PRKCZ: variants seen among roughly 807,000 people sequenced by gnomAD.
The protein encoded by PRKCZ is protein kinase C zeta type.
In PRKCZ, 33 loss-of-function variants were observed where a neutral mutation model predicts 79.5. The observed-to-expected ratio is 0.41, with a 90% CI of 0.31 to 0.55. PRKCZ has a LOEUF of 0.55. PRKCZ is among the 20% of genes least tolerant of loss of function. The pLI, the probability that PRKCZ is intolerant of heterozygous loss-of-function variation, is 0.19. For missense variants in PRKCZ, 578 were observed against 813.5 expected (o/e 0.71, Z 3.52); for synonymous variants, 342 against 320.9 (o/e 1.07, Z -0.70).
intron 5 of PRKCZ, among the ~76,000 whole-genome samples, chr1:2,135,930 A>C (rs1676108846): frequency 1.3e-5 from 2 of 152,086 alleles, no homozygotes; most frequent in African/African-American, 4.8e-5. Context: ...TCACAGTGGA[A>C]GGGGAGGTGT....
intron 4 of PRKCZ, among the ~76,000 whole-genome samples, chr1:2,099,149 C>T (rs1197294650): frequency 6.6e-6 from 1 of 152,184 alleles, no homozygotes; most frequent in East Asian, 1.9e-4. Context: ...AGCCACACAG[C>T]TGTGTGGGAC....
Position 2,093,095 on chromosome 1 carries a change from CAA to C in PRKCZ, c.334+33505_334+33506del, listed in dbSNP as rs561397822. ...TGATGGGTGGTTTTCAACAGGAACT[CAA>C]GAGAAAAGTTCATGCTTGTGAGGAC... On this transcript the variant is annotated intron_variant, in intron 4 of 17. Coordinates refer to ENST00000378567, the MANE Select transcript of PRKCZ (RefSeq NM_002744.6). Among the ~76,000 whole-genome samples the C allele has an allele frequency of 2.9e-3, 436 of 152,328 alleles. 3 individuals carry two copies. Among genetic ancestry groups the C allele is most frequent in the African/African-American group, 9.7e-3 (405 of 41,556 alleles).
chr1:2,080,356 G>A (rs970506630), intron 4 of PRKCZ, among the ~76,000 whole-genome samples: 6 of 152,326 alleles, frequency 3.9e-5, no homozygotes, highest in South Asian at 2.1e-4. Flanking sequence ...GCGCGTGGAC[G>A]TGGCAGGTGT....
At chr1:2,105,100 C>T (rs1386908117) in intron 4 of PRKCZ, among the ~76,000 whole-genome samples, 2 of 152,070 alleles carry the variant, frequency 1.3e-5, no homozygotes, top group East Asian at 3.9e-4. Context: ...ACACGTCTGT[C>T]GTGCCATGAA....
chr1:2,110,000 C>T (rs962167027), intron 4 of PRKCZ, among the ~76,000 whole-genome samples: 12 of 152,196 alleles, frequency 7.9e-5, no homozygotes, highest in Admixed American at 7.2e-4. Flanking sequence ...GCGGAGGAGC[C>T]GGCCAGCATG....
At chr1:2,164,142 TG>T (rs909878402) in intron 10 of PRKCZ, among the ~76,000 whole-genome samples, 7 of 152,154 alleles carry the variant, frequency 4.6e-5, no homozygotes, top group South Asian at 4.1e-4. Context: ...GGATTTTTTT[TG>T]GTTGATATTC....
chr1:2,152,695 G>A (rs1680138046), intron 9 of PRKCZ, among the ~76,000 whole-genome samples: 1 of 152,204 alleles, frequency 6.6e-6, no homozygotes. Context: ...TCAGCCCCAT[G>A]GCCTCCAATC....
rs1044297350 is a variant in PRKCZ at position 2,178,748 on chromosome 1, G to T, written c.1575+3435G>T. ...CAGCTTGAGAACAGTCCCTCGGTGG[G>T]TGTCAGCTCCATGTGGGAGTGGGGC... On this transcript the variant is annotated intron_variant, in intron 16 of 17. Transcript: ENST00000378567. This position sits in a 1 kb window ranked among gnomAD's most constrained non-coding sequence, Gnocchi z 4.3. 6.6e-6 allele frequency among the ~76,000 whole-genome samples: 1 copy of T among 152,280 alleles called. No individual in the cohort carries two copies. Among genetic ancestry groups the T allele is most frequent in the Non-Finnish European group, 1.5e-5 (1 of 68,024 alleles).
At position 2,173,816 on chromosome 1, in the gene PRKCZ, A is replaced by C. The variant is rs1684932103; in HGVS notation, c.1286-81A>C. ...TGGCTCACACTCGTGTCAACTGGGCATGAAAACCAACGCCAGCCAGGTTCG... is the reference window on the plus strand; with the variant it reads ...TGGCTCACACTCGTGTCAACTGGGCCTGAAAACCAACGCCAGCCAGGTTCG... On this transcript the variant is annotated intron_variant, in intron 13 of 17. Transcript: ENST00000378567. This position sits in a 1 kb window ranked among gnomAD's most constrained non-coding sequence, Gnocchi z 5.7. 1 of 1,504,256 alleles carries C rather than the reference A, an allele frequency of 6.6e-7. No individual in the cohort carries two copies. Among genetic ancestry groups the C allele is most frequent in the Non-Finnish European group, 8.9e-7 (1 of 1,122,648 alleles). The allele number at this position is 1,504,256 out of a possible 1,614,324, so 93.2% of individuals were successfully genotyped here. A position where few individuals can be genotyped will look rare whatever the true frequency, so the allele number is the denominator to read the frequency against.
rs541181819 is a variant in PRKCZ, at chr1:2,177,103, C to T, written c.1575+1790C>T. 6.6e-6 allele frequency among the ~76,000 whole-genome samples: 1 copy of T among 152,302 alleles called. No homozygotes were observed. The highest frequency in any genetic ancestry group is 1.9e-4 in the East Asian group (1 of 5,190). ...GGGTTAGAGGTGGCGTCCCTTTTCT[C>T]TGGCTCAGGCACCCCTGGCCTAGTG... On this transcript the variant is annotated intron_variant, in intron 16 of 17. Coordinates refer to ENST00000378567, the MANE Select transcript of PRKCZ (RefSeq NM_002744.6). The surrounding 1 kb of genome is among the most constrained non-coding windows in gnomAD (Gnocchi z 6.4).
chr1:2,095,793 T>C (rs538184201), intron 4 of PRKCZ, among the ~76,000 whole-genome samples: 21 of 131,218 alleles, frequency 1.6e-4, no homozygotes, highest in African/African-American at 5.5e-4. Context: ...CTCTGCCCTC[T>C]GCTCCCCTCT....
At position 2,063,366 on chromosome 1, in the gene PRKCZ, T is replaced by G. The variant is rs188315707; in HGVS notation, c.334+3775T>G. ...CTCGCTCTGTCGCTTAGGCTGGAGT[T>G]CAGTGGCACGATCTCGGCTCACTGC... On this transcript the variant is annotated intron_variant, in intron 4 of 17. Transcript: ENST00000378567. Among the ~76,000 whole-genome samples, 26 of 152,346 alleles carry G rather than the reference T, an allele frequency of 1.7e-4. No homozygotes were observed. The East Asian group carries it at 4.6e-3, about 27-fold the overall frequency.
chr1:2,119,793 T>TG (rs112595393), intron 4 of PRKCZ, among the ~76,000 whole-genome samples: 84 of 151,092 alleles, frequency 5.6e-4, no homozygotes, highest in African/African-American at 2.0e-3. Flanking sequence ...TCTTTTCTTT[T>TG]TTTTTTTTTT....
At chr1:2,170,891 C>T (rs964613800) in intron 11 of PRKCZ, among the ~76,000 whole-genome samples, 3 of 152,254 alleles carry the variant, frequency 2.0e-5, no homozygotes, top group Non-Finnish European at 4.4e-5. Flanking sequence ...ATCCGTCCAT[C>T]CCTCGGGGGG....
chr1:2,144,422 T>C (rs975857953), intron 6 of PRKCZ, 81 bp downstream of exon 6: 26 of 1,520,284 alleles, frequency 1.7e-5, no homozygotes, highest in Non-Finnish European at 2.1e-5. Context: ...AAGCAGACCT[T>C]GGTGACCCTG....
At chr1:2,151,484 A>G (rs1417596207) in intron 9 of PRKCZ, among the ~76,000 whole-genome samples, 1 of 152,212 alleles carries the variant, frequency 6.6e-6, no homozygotes, top group Non-Finnish European at 1.5e-5. Context: ...GGTTGAGCTG[A>G]ACTGGACGGG....
intron 4 of PRKCZ, among the ~76,000 whole-genome samples, chr1:2,062,729 C>T (rs542637672): frequency 7.2e-5 from 11 of 152,130 alleles, no homozygotes; most frequent in African/African-American, 2.4e-4. Context: ...CTCAAGTGAC[C>T]TACCCATCTT....
At chr1:2,061,374 C>T (rs1319948797) in intron 4 of PRKCZ, among the ~76,000 whole-genome samples, 1 of 149,564 alleles carries the variant, frequency 6.7e-6, no homozygotes, top group Non-Finnish European at 1.5e-5. Flanking sequence ...AAGGGAGGCC[C>T]GCATTTGCTC....
chr1:2,098,960 C>T (rs544280567), intron 4 of PRKCZ, among the ~76,000 whole-genome samples: 2 of 152,308 alleles, frequency 1.3e-5, no homozygotes, highest in East Asian at 3.9e-4. Context: ...GGATGACAGG[C>T]GTGAGCCACC....
Sources: allele counts gnomAD v4.1 joint callset (sites outside exome capture counted in the v4.1 genomes callset), GRCh38; gene constraint gnomAD v4.1.1; non-coding constraint Gnocchi (gnomAD v3.1); transcripts MANE v1.5; gene names NCBI Gene and HGNC (gene_info 2026-07-23, HGNC 2026-07-21).